Variants in UGT1A4 observed in about 807,000 individuals in gnomAD.
UGT1A4 encodes the protein UDP glucuronosyltransferase family 1 member A4, also known as UDP-glucuronosyltransferase 1A4.
Under a neutral mutation model 41.1 loss-of-function variants are expected in UGT1A4, and 32 were observed. The observed-to-expected ratio is 0.78, with a 90% confidence interval of 0.59 to 1.05. The LOEUF is 1.05. Among genes scored for constraint, UGT1A4 ranks in the 50% least tolerant of loss-of-function variants. UGT1A4 has a pLI of 0.00. For missense variants in UGT1A4, 748 were observed against 677.4 expected, an observed-to-expected ratio of 1.10 and a Z score of -1.16; for synonymous variants, 283 against 265.1, an observed-to-expected ratio of 1.07 and a Z score of -0.66.
At chr2:233,736,365 T>C (rs969556096) in intron 1 of UGT1A4, among the ~76,000 whole-genome samples, 1 of 152,210 alleles carries the variant, frequency 6.6e-6, no homozygotes, top group Non-Finnish European at 1.5e-5. Context: ...CTCCATCAGG[T>C]CATTTAAGGT....
At chr2:233,765,652 G>T (rs2126018835) in intron 1 of UGT1A4, among the ~76,000 whole-genome samples, 1 of 151,820 alleles carries the variant, frequency 6.6e-6, no homozygotes, top group East Asian at 1.9e-4. Context: ...GTCAATAGGT[G>T]CAGCAAACCA....
Position 233,769,801 on chromosome 2 carries a change from G to A in UGT1A4, c.1307+1362G>A, listed in dbSNP as rs1699941339. 2 of 1,172,742 alleles carry A rather than the reference G, an allele frequency of 1.7e-6. No individual in the cohort carries two copies. The highest frequency in any genetic ancestry group is 1.6e-5 in the African/African-American group (1 of 64,090). 72.6% of individuals were successfully genotyped at this position (1,172,742 alleles called of 1,614,324 possible). ...GCCCAGAAGTTGGAGGCTGCTATGA[G>A]CCGTGATCATGCCACTGCACTCCAG... On this transcript the variant is annotated intron_variant, in intron 4 of 4. Coordinates refer to ENST00000373409, the MANE Select transcript of UGT1A4 (RefSeq NM_007120.3). This position sits in a 1 kb window ranked among gnomAD's most constrained non-coding sequence, Gnocchi z 4.4.
At position 233,747,376 on chromosome 2, in the gene UGT1A4, G is replaced by A. The variant is rs1236630048; in HGVS notation, c.868-19658G>A. On this transcript the variant is annotated intron_variant, in intron 1 of 4. Transcript: ENST00000373409. The stretch of plus-strand genomic sequence containing the variant: ...GCCGTGCGGGAGCTCCATGCCAGAG[G>A]CCACCAGGCGGTGGTCCTCACCCCA... 3 of 1,604,666 alleles carry A rather than the reference G, an allele frequency of 1.9e-6. No individual in the cohort carries two copies. The African/African-American group carries it at 4.0e-5, about 22-fold the overall frequency.
intron 1 of UGT1A4, chr2:233,755,145 G>A (rs1233085476): frequency 2.3e-6 from 3 of 1,302,660 alleles, no homozygotes; most frequent in South Asian, 1.2e-5. Flanking sequence ...TCTTCTCACC[G>A]CTTCCTCCCT....
At chr2:233,738,810 A>G (rs1410873326) in intron 1 of UGT1A4, 1 of 152,272 alleles carries the variant, frequency 6.6e-6, no homozygotes. Flanking sequence ...CTAGCTAAAG[A>G]AATTTGAATA....
Position 233,772,391 on chromosome 2 carries a change from C to T in UGT1A4, c.1437C>T (p.Ala479=), listed in dbSNP as rs1559420304. 6.2e-7 allele frequency: 1 copy of T among 1,614,114 alleles called. No individual in the cohort carries two copies. Among genetic ancestry groups the T allele is most frequent in the Non-Finnish European group, 8.5e-7 (1 of 1,180,052 alleles). The change falls in exon 5 of 5, where the codon GCC becomes GCT. Residue 479 remains alanine (A), a synonymous_variant. Coordinates refer to ENST00000373409, the MANE Select transcript of UGT1A4 (RefSeq NM_007120.3). ...HKGAPHLRPA[A]HDLTWYQYHS... is the part of the protein sequence containing the mutation. ...GCGCGCCACACCTGCGCCCCGCAGCCCACGACCTCACCTGGTACCAGTACC... is the reference window on the plus strand; with the variant it reads ...GCGCGCCACACCTGCGCCCCGCAGCTCACGACCTCACCTGGTACCAGTACC...
In UGT1A4 at chr2:233,769,399, A is replaced by G. The variant is rs1699854887; in HGVS notation, c.1307+960A>G. The G allele has an allele frequency of 1.7e-6, 2 of 1,170,288 alleles. No homozygotes were observed. Among genetic ancestry groups the G allele is most frequent in the Non-Finnish European group, 2.5e-6 (2 of 810,196 alleles). 72.5% of individuals were successfully genotyped at this position (1,170,288 alleles called of 1,614,324 possible). A position where few individuals can be genotyped will look rare whatever the true frequency, so the allele number is the denominator to read the frequency against. On this transcript the variant is annotated intron_variant, in intron 4 of 4. Transcript: ENST00000373409. This position sits in a 1 kb window ranked among gnomAD's most constrained non-coding sequence, Gnocchi z 4.4. ...ATCCGACAATAGATACTGTGTGCAT[A>G]TGTGCGTGTGCGTTTGTGCATGTGG...
At chr2:233,753,670 G>T (rs1438239507) in intron 1 of UGT1A4, 3 of 152,198 alleles carry the variant, frequency 2.0e-5, no homozygotes, top group Admixed American at 6.5e-5. Flanking sequence ...TGTGTATGGT[G>T]CCTCACCCAA....
At chr2:233,736,636 C>T (rs1288684741) in intron 1 of UGT1A4, among the ~76,000 whole-genome samples, 1 of 152,166 alleles carries the variant, frequency 6.6e-6, no homozygotes, top group Non-Finnish European at 1.5e-5. Context: ...GCTCTAGTTT[C>T]CCCCCATCTT....
chr2:233,762,695 CT>C lies in UGT1A4; in HGVS notation c.868-4335del, dbSNP rs571184142. Among the ~76,000 whole-genome samples, 40 of 148,314 alleles carry C rather than the reference CT, an allele frequency of 2.7e-4. No individual in the cohort carries two copies. The South Asian group carries it at 8.3e-3, about 31-fold the overall frequency. ...TTTGTTCTGTTTCTTTCTCATTCAT[CT>C]TTTCTTAAGTATTTTACACGGTTTT... On this transcript the variant is annotated intron_variant, in intron 1 of 4. Coordinates refer to ENST00000373409, the MANE Select transcript of UGT1A4 (RefSeq NM_007120.3).
At chr2:233,754,596 T>TA (rs1695527664) in intron 1 of UGT1A4, 1 of 431,834 alleles carries the variant, frequency 2.3e-6, no homozygotes, top group Middle Eastern at 3.5e-4. Flanking sequence ...TGAAGGACTT[T>TA]AACTCAACTC....
intron 1 of UGT1A4, among the ~76,000 whole-genome samples, chr2:233,722,693 G>A (rs969109813): frequency 2.0e-5 from 3 of 151,938 alleles, no homozygotes; most frequent in Admixed American, 1.3e-4. Context: ...TCTTTTCATT[G>A]CTTTTAGATA....
At chr2:233,737,982 G>T (rs1690650423) in intron 1 of UGT1A4, among the ~76,000 whole-genome samples, 2 of 151,994 alleles carry the variant, frequency 1.3e-5, no homozygotes, top group South Asian at 4.2e-4. Flanking sequence ...AATATGGTTT[G>T]GCTCTGTGTC....
At chr2:233,729,878 A>G in intron 1 of UGT1A4, 3 of 1,613,834 alleles carry the variant, frequency 1.9e-6, no homozygotes, top group Non-Finnish European at 1.7e-6. Context: ...ATTCTCAGTC[A>G]TGCATCTGTG....
At chr2:233,740,749 G>A (rs1056795569) in intron 1 of UGT1A4, 15 of 151,730 alleles carry the variant, frequency 9.9e-5, no homozygotes, top group African/African-American at 3.7e-4. Context: ...TTTACACTCT[G>A]AAAACCTTAT....
intron 1 of UGT1A4, among the ~76,000 whole-genome samples, chr2:233,751,702 C>T (rs1485888079): frequency 6.6e-6 from 1 of 152,152 alleles, no homozygotes; most frequent in East Asian, 1.9e-4. Flanking sequence ...AGGGGCTCTT[C>T]CTCCTTCACT....
intron 1 of UGT1A4, chr2:233,761,300 G>A (rs2125991152): frequency 6.7e-7 from 1 of 1,496,402 alleles, no homozygotes; most frequent in Non-Finnish European, 9.1e-7. Flanking sequence ...CTAGGTTTGA[G>A]TCTGTCTTTG....
chr2:233,733,095 G>A (rs1341199680), intron 1 of UGT1A4, among the ~76,000 whole-genome samples: 1 of 152,176 alleles, frequency 6.6e-6, no homozygotes, highest in Non-Finnish European at 1.5e-5. Context: ...GTTCACTCAT[G>A]GTTTGGCTCT....
At chr2:233,743,417 G>C (rs1204856342) in intron 1 of UGT1A4, 2 of 1,334,558 alleles carry the variant, frequency 1.5e-6, no homozygotes, top group African/African-American at 1.5e-5. Flanking sequence ...CCACTTCCCA[G>C]GGAGCCAAAG....
Sources: gnomAD v4.1 joint callset for allele counts (sites outside exome capture counted in the v4.1 genomes callset) on GRCh38, gnomAD v4.1.1 for gene constraint, Gnocchi (gnomAD v3.1) non-coding constraint, MANE v1.5 for transcripts, NCBI Gene and HGNC (gene_info 2026-07-23, HGNC 2026-07-21) for gene names.